Variants in TPD52 observed in about 807,000 individuals in gnomAD.
The protein encoded by TPD52 is tumor protein D52, also known as prostate and colon associated protein.
Under a neutral mutation model 31.3 loss-of-function variants are expected in TPD52, and 17 were observed. The observed-to-expected ratio is 0.54, with a 90% CI of 0.37 to 0.82. The LOEUF is 0.82. Ranked by LOEUF, TPD52 falls within the 40% of genes least tolerant of loss-of-function variation. The pLI is 0.00. For synonymous variants in TPD52, 83 were observed against 89.6 expected (o/e 0.93, Z 0.42); for missense variants, 212 against 240.1 (o/e 0.88, Z 0.77).
chr8:80,077,253 C>T (rs746223114), intron 1 of TPD52, among the ~76,000 whole-genome samples: 8 of 143,760 alleles, frequency 5.6e-5, no homozygotes, highest in East Asian at 4.1e-4. Context: ...CCAGCCTGGG[C>T]GACAGAGCAA....
intron 1 of TPD52, among the ~76,000 whole-genome samples, chr8:80,073,528 G>T (rs951008827): frequency 1.3e-5 from 2 of 152,198 alleles, no homozygotes; most frequent in African/African-American, 4.8e-5. Context: ...ACAGACTGCA[G>T]CTGGGCAATA....
chr8:80,105,729 CTTTTT>C (rs57266800), intron 1 of TPD52, among the ~76,000 whole-genome samples: 26 of 112,744 alleles, frequency 2.3e-4, no homozygotes, highest in Non-Finnish European at 3.2e-4. Flanking sequence ...CCCAGGTCTG[CTTTTT>C]TTTTTTTTTT....
chr8:80,116,791 AAG>A (rs1272349369), intron 1 of TPD52, among the ~76,000 whole-genome samples: 1 of 151,526 alleles, frequency 6.6e-6, no homozygotes, highest in African/African-American at 2.4e-5. Context: ...AAAAAAAAAA[AAG>A]TTTATTTAGT....
In TPD52 at chr8:80,037,266, A is replaced by G. The variant is rs528178252; in HGVS notation, c.*850T>C. 3 of 152,660 alleles carry G rather than the reference A, an allele frequency of 2.0e-5. No homozygotes were observed. In the East Asian group the frequency reaches 5.8e-4, roughly 29 times the overall value. 9.5% of individuals were successfully genotyped at this position (152,660 alleles called of 1,614,324 possible). On this transcript the variant is annotated 3_prime_UTR_variant, in exon 8 of 8. Transcript: ENST00000518937. Reference sequence around the variant, plus strand: ...GTCATTTTTACCAGCTTCTAGATCTAAACTTTCAGGCTTTTGAACTGAACA... The same window carrying G: ...GTCATTTTTACCAGCTTCTAGATCTGAACTTTCAGGCTTTTGAACTGAACA...
chr8:80,044,279 A>G, intron 5 of TPD52, 71 bp from the exon 6 acceptor site: 2 of 1,289,608 alleles, frequency 1.6e-6, no homozygotes, highest in Non-Finnish European at 2.1e-6. Context: ...TTAAAAGCTG[A>G]CAAAACTTAG....
intron 1 of TPD52, among the ~76,000 whole-genome samples, chr8:80,169,141 C>G (rs540367144): frequency 6.6e-6 from 1 of 152,144 alleles, no homozygotes; most frequent in Non-Finnish European, 1.5e-5. Flanking sequence ...GGTGCCACCG[C>G]GCCGAGCTAA....
chr8:80,053,159 G>A, intron 3 of TPD52, 123 bp downstream of exon 3: 1 of 1,085,578 alleles, frequency 9.2e-7, no homozygotes, highest in South Asian at 2.1e-5. Flanking sequence ...AAAAAAGGGT[G>A]CCGTGTCGTC....
chr8:80,047,549 C>T (rs1252097380), intron 5 of TPD52, among the ~76,000 whole-genome samples: 2 of 152,080 alleles, frequency 1.3e-5, no homozygotes, highest in Admixed American at 6.5e-5. Flanking sequence ...ACAGCAATGC[C>T]TGGCACATAG....
intron 1 of TPD52, among the ~76,000 whole-genome samples, chr8:80,151,364 A>G (rs1372272630): frequency 6.6e-6 from 1 of 152,234 alleles, no homozygotes; most frequent in African/African-American, 2.4e-5. Context: ...ACAAAAGTAT[A>G]TTTTACCTCT....
chr8:80,031,682 C>T (rs1466767290), downstream of TPD52, among the ~76,000 whole-genome samples: 1 of 151,944 alleles, frequency 6.6e-6, no homozygotes, highest in Non-Finnish European at 1.5e-5. Context: ...ATAGCAAGAA[C>T]CAGTCTCTAC....
intron 1 of TPD52, among the ~76,000 whole-genome samples, chr8:80,161,729 TATA>T (rs1438815260): frequency 1.8e-3 from 75 of 41,630 alleles, no homozygotes; most frequent in African/African-American, 6.2e-3. Context: ...TATATATATA[TATA>T]TTTTTTTTTT....
At chr8:80,108,919 G>A (rs2130968838) in intron 1 of TPD52, among the ~76,000 whole-genome samples, 1 of 152,282 alleles carries the variant, frequency 6.6e-6, no homozygotes, top group Admixed American at 6.5e-5. Context: ...TGATCCTCGG[G>A]AACTTGGAAA....
intron 4 of TPD52, 98 bp from the exon 5 acceptor site, chr8:80,050,569 G>A (rs1308612031): frequency 1.7e-6 from 2 of 1,172,034 alleles, no homozygotes; most frequent in Non-Finnish European, 2.4e-6. Flanking sequence ...GTTTTCCCTG[G>A]GCTCTAAACT....
chr8:80,088,631 C>T (rs1286389987), intron 1 of TPD52, among the ~76,000 whole-genome samples: 2 of 152,108 alleles, frequency 1.3e-5, no homozygotes, highest in African/African-American at 4.8e-5. Flanking sequence ...CCAGCAACAG[C>T]GCCAAGGGTG....
chr8:80,164,898 C>CAA lies in TPD52; in HGVS notation c.19+6525_19+6526dup, dbSNP rs34027501. On this transcript the variant is annotated intron_variant, in intron 1 of 7. Coordinates refer to ENST00000518937, the MANE Select transcript of TPD52 (RefSeq NM_001025253.3). ...TGGGTGGCAGAGGGAGACAATGTCTCAAAAAAAAAAAAAAAAAAAAAAAAA... is the reference window on the plus strand; with the variant it reads ...TGGGTGGCAGAGGGAGACAATGTCTCAAAAAAAAAAAAAAAAAAAAAAAAAAA... Among the ~76,000 whole-genome samples, 167 of 31,898 alleles carry CAA rather than the reference C, an allele frequency of 5.2e-3. 21 individuals carry two copies. Among genetic ancestry groups the CAA allele is most frequent in the East Asian group, 0.019 (20 of 1,060 alleles). The allele number at this position is 31,898 out of a possible 152,430, so 20.9% of individuals were successfully genotyped here.
intron 1 of TPD52, among the ~76,000 whole-genome samples, chr8:80,087,142 T>C (rs180734940): frequency 3.9e-5 from 6 of 152,258 alleles, no homozygotes; most frequent in East Asian, 3.9e-4. Context: ...GTCCTTTTTT[T>C]TTCCCCCCAT....
At chr8:80,062,950 A>G (rs1812704646) in intron 2 of TPD52, among the ~76,000 whole-genome samples, 1 of 152,160 alleles carries the variant, frequency 6.6e-6, no homozygotes, top group East Asian at 1.9e-4. Flanking sequence ...CCAACCCACA[A>G]AATAGAGCAA....
chr8:80,076,164 C>T (rs1472932048), intron 1 of TPD52, among the ~76,000 whole-genome samples: 2 of 152,164 alleles, frequency 1.3e-5, no homozygotes, highest in African/African-American at 4.8e-5. Context: ...GGTATACACC[C>T]AAAGGAATAT....
In TPD52 at chr8:80,051,286, A is replaced by G. The variant is rs1811360314; in HGVS notation, c.386+241T>C. 5.7e-6 allele frequency: 3 copies of G among 529,468 alleles called. No homozygotes were observed. In the African/African-American group the frequency reaches 5.9e-5, roughly 10 times the overall value. 32.8% of individuals were successfully genotyped at this position (529,468 alleles called of 1,614,324 possible). ...TCATGAAGAACTAAAAAGACAAAGA[A>G]GTTCACAACCAGAATTTTTCAACAA... On this transcript the variant is annotated intron_variant, in intron 4 of 7. Coordinates refer to ENST00000518937, the MANE Select transcript of TPD52 (RefSeq NM_001025253.3).
Sources: gnomAD v4.1 joint callset for allele counts (sites outside exome capture counted in the v4.1 genomes callset) on GRCh38, gnomAD v4.1.1 for gene constraint, MANE v1.5 for transcripts, NCBI Gene and HGNC (gene_info 2026-07-23, HGNC 2026-07-21) for gene names.